PSG5: variants seen among roughly 807,000 people sequenced by gnomAD.
The protein encoded by PSG5 is pregnancy specific beta-1-glycoprotein 5, also known as pregnancy-specific beta-1-glycoprotein 5.
PSG5 carries 53 observed loss-of-function variants against 37.7 expected under a neutral mutation model. The ratio of observed to expected loss-of-function variants is 1.41; its 90% CI spans 1.13 to 1.77. The LOEUF (loss-of-function observed/expected upper bound fraction) is 1.77, where lower values mean the gene tolerates loss of function less well. Ranked by LOEUF, PSG5 falls within the 40% of genes most tolerant of loss-of-function variation. The probability of loss-of-function intolerance (pLI) is 0.00; values close to 1 mark genes in which losing one functional copy is unlikely to be tolerated. For missense variants in PSG5, 547 were observed against 405.2 expected, an observed-to-expected ratio of 1.35 and a Z score of -3.00; for synonymous variants, 221 against 155.4, an observed-to-expected ratio of 1.42 and a Z score of -3.14.
Position 43,185,008 on chromosome 19 carries a change from G to T in PSG5, c.204C>A (p.Tyr68Ter), listed in dbSNP as rs190171836. ...GGTAGAGGTCCATCAGTTGTCCTTTGTACCAGATGTAGCCAGCAAGATTCT... is the reference window on the plus strand; with the variant it reads ...GGTAGAGGTCCATCAGTTGTCCTTTTTACCAGATGTAGCCAGCAAGATTCT... ...LPQNLAGYIW[Y>*]KGQLMDLYHY... Residue 68 changes from tyrosine to a stop codon, truncating the protein, a stop_gained, in exon 2 of 6, where the codon TAC becomes TAA. Coordinates refer to ENST00000342951, the MANE Select transcript of PSG5 (RefSeq NM_002781.4). LOFTEE classifies it high-confidence loss of function. 1.2e-6 allele frequency: 2 copies of T among 1,612,458 alleles called. No homozygotes were observed. The highest frequency in any genetic ancestry group is 2.2e-5 in the East Asian group (1 of 44,876).
chr19:43,168,560 G>T (rs1222347127), intron 5 of PSG5, among the ~76,000 whole-genome samples: 2 of 151,388 alleles, frequency 1.3e-5, no homozygotes, highest in African/African-American at 2.4e-5. Flanking sequence ...TTTTAGTAGA[G>T]ACGGGGTTTC....
At chr19:43,173,200 C>T (rs1260561782) in intron 4 of PSG5, among the ~76,000 whole-genome samples, 1 of 151,566 alleles carries the variant, frequency 6.6e-6, no homozygotes, top group African/African-American at 2.4e-5. Flanking sequence ...TTACCTAACA[C>T]CATGCATAAA....
chr19:43,170,793 C>A, intron 4 of PSG5: 1 of 153,568 alleles, frequency 6.5e-6, no homozygotes. Flanking sequence ...CCCATACTGC[C>A]TTCATGTCTG....
At chr19:43,173,007 G>T (rs1172623821) in intron 4 of PSG5, among the ~76,000 whole-genome samples, 4 of 151,714 alleles carry the variant, frequency 2.6e-5, no homozygotes, top group African/African-American at 4.9e-5. Context: ...TCAATACAGT[G>T]TGGTACTGGC....
intron 4 of PSG5, among the ~76,000 whole-genome samples, chr19:43,173,779 T>C (rs1402557260): frequency 2.0e-5 from 3 of 151,702 alleles, no homozygotes; most frequent in Middle Eastern, 3.4e-3. Flanking sequence ...GAATGGGAAA[T>C]GTTATAGCCA....
intron 2 of PSG5, chr19:43,180,295 C>G (rs180862025): frequency 6.6e-6 from 1 of 151,546 alleles, no homozygotes; most frequent in Non-Finnish European, 1.5e-5. Flanking sequence ...CGTGCCTATA[C>G]TTCATGCAGA....
intron 2 of PSG5, chr19:43,180,364 A>T (rs865952698): frequency 7.1e-4 from 108 of 151,480 alleles, no homozygotes; most frequent in African/African-American, 2.3e-3. Flanking sequence ...TAATTTTTTT[A>T]ATTTTGGAAT....
At chr19:43,168,535 A>T (rs549095717) in intron 5 of PSG5, among the ~76,000 whole-genome samples, 10 of 150,978 alleles carry the variant, frequency 6.6e-5, no homozygotes, top group Non-Finnish European at 1.3e-4. Flanking sequence ...CGCCCGGCAA[A>T]TTTTGTTTTT....
At position 43,186,505 on chromosome 19, in the gene PSG5, C is replaced by A; in HGVS notation, c.-100G>T. 5 of 1,556,792 alleles carry A rather than the reference C, an allele frequency of 3.2e-6. No individual in the cohort carries two copies. Among genetic ancestry groups the A allele is most frequent in the Non-Finnish European group, 4.4e-6 (5 of 1,147,962 alleles). ...CTGTGCTGTCCTTCCTCCTTCTGTG[C>A]TGAGCCTCTCTCCAGGGCAGGAGCA... is the stretch of plus-strand genomic sequence containing the variant. On this transcript the variant is annotated 5_prime_UTR_variant, in exon 1 of 6. Coordinates refer to ENST00000342951, the MANE Select transcript of PSG5 (RefSeq NM_002781.4).
intron 2 of PSG5, among the ~76,000 whole-genome samples, chr19:43,178,108 T>C (rs1158271580): frequency 6.6e-6 from 1 of 151,674 alleles, no homozygotes; most frequent in East Asian, 1.9e-4. Context: ...AGAAACATAC[T>C]CCCTGTGCTG....
chr19:43,174,377 C>A, intron 4 of PSG5: 2 of 809,008 alleles, frequency 2.5e-6, no homozygotes, highest in Non-Finnish European at 3.0e-6. Context: ...GGTAGTCTTA[C>A]CCTCTCTATA....
intron 2 of PSG5, 130 bp from the exon 3 acceptor site, chr19:43,176,278 T>C (rs1969010404): frequency 1.4e-6 from 2 of 1,459,682 alleles, no homozygotes; most frequent in East Asian, 2.3e-5. Flanking sequence ...AGCTGATGCA[T>C]GTGTCACAAG....
chr19:43,180,632 T>C (rs957491966), intron 2 of PSG5: 2 of 151,684 alleles, frequency 1.3e-5, no homozygotes, highest in African/African-American at 4.9e-5. Flanking sequence ...AACATTAAAA[T>C]GTTTTCATAA....
Position 43,186,506 on chromosome 19 carries a change from TG to T in PSG5, c.-102del. 1 of 1,556,482 alleles carries T rather than the reference TG, an allele frequency of 6.4e-7. No homozygotes were observed. Among genetic ancestry groups the T allele is most frequent in the Non-Finnish European group, 8.7e-7 (1 of 1,147,682 alleles). On this transcript the variant is annotated 5_prime_UTR_variant, in exon 1 of 6. Coordinates refer to ENST00000342951, the MANE Select transcript of PSG5 (RefSeq NM_002781.4). Reference sequence around the variant, plus strand: ...TGTGCTGTCCTTCCTCCTTCTGTGCTGAGCCTCTCTCCAGGGCAGGAGCACT... The same window carrying T: ...TGTGCTGTCCTTCCTCCTTCTGTGCTAGCCTCTCTCCAGGGCAGGAGCACT...
chr19:43,183,718 C>G (rs1459403009), intron 2 of PSG5, among the ~76,000 whole-genome samples: 1 of 151,274 alleles, frequency 6.6e-6, no homozygotes, highest in Non-Finnish European at 1.5e-5. Context: ...AGGATTTGAG[C>G]CAATAAATGA....
At chr19:43,168,670 C>T (rs747498010) in intron 5 of PSG5, among the ~76,000 whole-genome samples, 14 of 151,704 alleles carry the variant, frequency 9.2e-5, no homozygotes, top group South Asian at 4.2e-4. Context: ...TCGCGCCCAG[C>T]GTAGAATACT....
At chr19:43,185,263 CACAA>C (rs1966908491) in intron 1 of PSG5, 116 bp from the exon 2 acceptor site, 3 of 1,278,336 alleles carry the variant, frequency 2.3e-6, no homozygotes, top group East Asian at 2.3e-5. Context: ...CACACACACA[CACAA>C]ACACACACAC....
At chr19:43,176,369 T>C (rs144410668) in intron 2 of PSG5, among the ~76,000 whole-genome samples, 2 of 151,642 alleles carry the variant, frequency 1.3e-5, no homozygotes, top group East Asian at 1.9e-4. Flanking sequence ...TTCTCAAGTG[T>C]CAATTGAGCA....
chr19:43,173,369 T>C (rs1215241542), intron 4 of PSG5, among the ~76,000 whole-genome samples: 1 of 151,426 alleles, frequency 6.6e-6, no homozygotes, highest in African/African-American at 2.4e-5. Flanking sequence ...TTCACAAAAA[T>C]CAAAACCTTT....
Sources: gnomAD v4.1 joint callset for allele counts (sites outside exome capture counted in the v4.1 genomes callset) on GRCh38, gnomAD v4.1.1 for gene constraint, MANE v1.5 for transcripts, NCBI Gene and HGNC (gene_info 2026-07-23, HGNC 2026-07-21) for gene names.